ZNF236: variants seen among roughly 807,000 people sequenced by gnomAD.
ZNF236 encodes regulated by glucose.
ZNF236 carries 50 observed loss-of-function variants against 191.2 expected under a neutral mutation model. The ratio of observed to expected loss-of-function variants is 0.26; its 90% CI spans 0.21 to 0.33. ZNF236 has a LOEUF of 0.33. Among genes scored for constraint, ZNF236 ranks in the 10% least tolerant of loss-of-function variants. ZNF236 has a pLI of 1.00. For synonymous variants in ZNF236, 907 were observed against 928.8 expected, an observed-to-expected ratio of 0.98 and a Z score of 0.43; for missense variants, 1,754 against 2,374.5, an observed-to-expected ratio of 0.74 and a Z score of 5.43.
intron 12 of ZNF236, 139 bp downstream of exon 12, chr18:76,904,660 G>T: frequency 1.5e-6 from 1 of 683,000 alleles, no homozygotes. Context: ...ACATTTATTG[G>T]TAATTAATAT....
chr18:76,892,748 G>A (rs1032002752), intron 9 of ZNF236, among the ~76,000 whole-genome samples: 1 of 152,136 alleles, frequency 6.6e-6, no homozygotes, highest in Admixed American at 6.5e-5. Flanking sequence ...TGTATTTTTA[G>A]TAGAGACGGG....
At position 76,913,879 on chromosome 18, in the gene ZNF236, C is replaced by A. The variant is rs747755646; in HGVS notation, c.3042C>A (p.Ser1014=). 17 of 1,614,048 alleles carry A rather than the reference C, an allele frequency of 1.1e-5. No homozygotes were observed. Among genetic ancestry groups the A allele is most frequent in the Non-Finnish European group, 1.4e-5 (16 of 1,180,050 alleles). Residue 1014 remains serine (S), a synonymous_variant, in exon 18 of 31, where the codon TCC becomes TCA. Coordinates refer to ENST00000320610, the MANE Select transcript of ZNF236 (RefSeq NM_001306089.2). ...RGFVSSGVLK[S]HEKTHTGVKA... ...TTGTTTCCTCTGGGGTCCTCAAGTC[C>A]CACGAGAAGACACACACAGGTCACT...
chr18:76,889,105 G>A (rs1421495165), intron 9 of ZNF236, among the ~76,000 whole-genome samples: 1 of 152,186 alleles, frequency 6.6e-6, no homozygotes, highest in Non-Finnish European at 1.5e-5. Flanking sequence ...TATTGAACTG[G>A]AGGTTTCTGG....
At chr18:76,860,645 GCAGCCTAC>G (rs999176243) in intron 3 of ZNF236, among the ~76,000 whole-genome samples, 2 of 152,124 alleles carry the variant, frequency 1.3e-5, no homozygotes, top group African/African-American at 4.8e-5. Flanking sequence ...TGAACTTTGT[GCAGCCTAC>G]TCTCATCCAA....
intron 25 of ZNF236, chr18:76,935,850 G>A: frequency 2.6e-6 from 1 of 377,908 alleles, no homozygotes; most frequent in South Asian, 1.9e-5. Flanking sequence ...CACACTCCTC[G>A]GGCTCCCACC....
At chr18:76,892,511 T>C (rs1418320740) in intron 9 of ZNF236, among the ~76,000 whole-genome samples, 1 of 151,998 alleles carries the variant, frequency 6.6e-6, no homozygotes, top group Non-Finnish European at 1.5e-5. Context: ...TTTTAGCAAA[T>C]GTCTTTTCAT....
chr18:76,963,020 A>G lies in ZNF236; in HGVS notation c.5419+2165A>G, dbSNP rs1209513986. Among the ~76,000 whole-genome samples, 7 of 152,306 alleles carry G rather than the reference A, an allele frequency of 4.6e-5. No homozygotes were observed. The East Asian group carries it at 1.3e-3, about 29-fold the overall frequency. The stretch of plus-strand genomic sequence containing the variant: ...TAGGTAAACAATCATATCATCAGCA[A>G]ACAGTGATAGTTTGACTTCCTCTTT... On this transcript the variant is annotated intron_variant, in intron 30 of 30. Transcript: ENST00000320610.
chr18:76,928,243 G>A (rs1967759355), intron 25 of ZNF236, 137 bp downstream of exon 25: 1 of 638,594 alleles, frequency 1.6e-6, no homozygotes, highest in Non-Finnish European at 2.3e-6. Flanking sequence ...GGGAGAAATT[G>A]AAGTTTAGTG....
chr18:76,881,143 C>T, intron 8 of ZNF236, 141 bp from the exon 9 acceptor site: 1 of 762,432 alleles, frequency 1.3e-6, no homozygotes, highest in Non-Finnish European at 2.1e-6. Context: ...GGAAGCCTCA[C>T]TTATAAGTGA....
At position 76,880,021 on chromosome 18, in the gene ZNF236, A is replaced by AGG. The variant is rs1976835654; in HGVS notation, c.985-91_985-90dup. ...ATACTCTTAGATTTTAACACCCTTA[A>AGG]GGAGGGTATTGCCTGTTTTTTTTTT... is the stretch of plus-strand genomic sequence containing the variant. On this transcript the variant is annotated intron_variant, in intron 7 of 30. Transcript: ENST00000320610. The surrounding 1 kb of genome is among the most constrained non-coding windows in gnomAD (Gnocchi z 5.0). The AGG allele has an allele frequency of 1.8e-6, 2 of 1,123,648 alleles. No individual in the cohort carries two copies. The highest frequency in any genetic ancestry group is 3.3e-5 in the African/African-American group (2 of 60,232). The allele number at this position is 1,123,648 out of a possible 1,614,324, so 69.6% of individuals were successfully genotyped here. A position where few individuals can be genotyped will look rare whatever the true frequency, so the allele number is the denominator to read the frequency against.
chr18:76,844,965 GC>G (rs1277418359), intron 1 of ZNF236, among the ~76,000 whole-genome samples: 1 of 152,152 alleles, frequency 6.6e-6, no homozygotes, highest in African/African-American at 2.4e-5. Flanking sequence ...TAAAGAGATG[GC>G]CGTGGTCCTA....
chr18:76,923,147 C>T lies in ZNF236; in HGVS notation c.3634C>T (p.Leu1212Phe). The change falls in exon 21 of 31, where the codon CTC (leucine) becomes TTC (phenylalanine). Residue 1212 changes from leucine to phenylalanine, a missense_variant. By Grantham distance (22) the Leu-to-Phe change is conservative (BLOSUM62 0). Coordinates refer to ENST00000320610, the MANE Select transcript of ZNF236 (RefSeq NM_001306089.2). Reference sequence around the variant, plus strand: ...AAAGAGTTTTACTGTGAAATCCACTCTCGATTGTCATGTGAAGACTCACAC... The same window carrying T: ...AAAGAGTTTTACTGTGAAATCCACTTTCGATTGTCATGTGAAGACTCACAC... ...CGKSFTVKST[L>F]DCHVKTHTGQ... is the part of the protein sequence containing the mutation. 6.2e-7 allele frequency: 1 copy of T among 1,613,738 alleles called. No individual in the cohort carries two copies. Among genetic ancestry groups the T allele is most frequent in the Non-Finnish European group, 8.5e-7 (1 of 1,179,692 alleles).
Position 76,840,613 on chromosome 18 carries a change from T to C in ZNF236, c.56-8913T>C, listed in dbSNP as rs967424191. ...AATTAGCATTGAAAGAACACCTGGG[T>C]AAAGGTGAATTTTTTTTTTTTTTTT... On this transcript the variant is annotated intron_variant, in intron 1 of 30. Transcript: ENST00000320610. Among the ~76,000 whole-genome samples the C allele has an allele frequency of 2.2e-4, 31 of 143,458 alleles. 1 individual carries two copies. Among genetic ancestry groups the C allele is most frequent in the Non-Finnish European group, 6.0e-5 (4 of 66,644 alleles). 94.1% of individuals were successfully genotyped at this position (143,458 alleles called of 152,430 possible). A position where few individuals can be genotyped will look rare whatever the true frequency, so the allele number is the denominator to read the frequency against.
chr18:76,937,395 GA>G, intron 26 of ZNF236, 52 bp downstream of exon 26: 1 of 1,449,054 alleles, frequency 6.9e-7, no homozygotes, highest in East Asian at 2.4e-5. Flanking sequence ...AGTGATCTTT[GA>G]AAACATTATT....
chr18:76,894,983 C>T (rs778557342), intron 9 of ZNF236, 30 bp from the exon 10 acceptor site: 1 of 1,601,810 alleles, frequency 6.2e-7, no homozygotes. Context: ...GGTGTCCAGG[C>T]CAAGCGGGAC....
At chr18:76,852,396 C>T (rs180850845) in intron 3 of ZNF236, among the ~76,000 whole-genome samples, 1 of 152,300 alleles carries the variant, frequency 6.6e-6, no homozygotes, top group African/African-American at 2.4e-5. Flanking sequence ...CCAAAGTGAC[C>T]ACTCCTGGGA....
At chr18:76,931,932 GACCTCTT>G (rs1967863436) in intron 25 of ZNF236, among the ~76,000 whole-genome samples, 1 of 152,122 alleles carries the variant, frequency 6.6e-6, no homozygotes, top group African/African-American at 2.4e-5. Flanking sequence ...CCAAAAGCTA[GACCTCTT>G]TTCATGCTTC....
Position 76,925,148 on chromosome 18 carries a change from C to G in ZNF236, c.3662-41C>G. 2 of 1,589,504 alleles carry G rather than the reference C, an allele frequency of 1.3e-6. No homozygotes were observed. Among genetic ancestry groups the G allele is most frequent in the Non-Finnish European group, 8.6e-7 (1 of 1,166,118 alleles). ...AGTGGGGTGGGGGTGAGTGTCGCGA[C>G]TGCCATCGCCTCTGTTGATTCTTGG... On this transcript the variant is annotated intron_variant, in intron 21 of 30. Transcript: ENST00000320610. This position sits in a 1 kb window ranked among gnomAD's most constrained non-coding sequence, Gnocchi z 5.7.
intron 26 of ZNF236, among the ~76,000 whole-genome samples, chr18:76,945,289 G>A (rs1374329994): frequency 6.6e-6 from 1 of 152,014 alleles, no homozygotes; most frequent in Admixed American, 6.6e-5. Context: ...AGTTTTTTTG[G>A]TCTTTGATTA....
Sources: gnomAD v4.1 joint callset for allele counts (sites outside exome capture counted in the v4.1 genomes callset) on GRCh38, gnomAD v4.1.1 for gene constraint, Gnocchi (gnomAD v3.1) non-coding constraint, MANE v1.5 for transcripts, NCBI Gene and HGNC (gene_info 2026-07-23, HGNC 2026-07-21) for gene names.